PTPRC: variants seen among roughly 807,000 people sequenced by gnomAD.
PTPRC encodes protein tyrosine phosphatase receptor type C.
A neutral mutation model predicts 155.9 loss-of-function variants in PTPRC; 44 were observed. The ratio of observed to expected loss-of-function variants is 0.28; its 90% CI spans 0.22 to 0.36. The LOEUF (loss-of-function observed/expected upper bound fraction) is 0.36. Ranked by LOEUF, PTPRC falls within the 10% of genes least tolerant of loss-of-function variation. The pLI is 1.00. For synonymous variants in PTPRC, 525 were observed against 533.1 expected, an observed-to-expected ratio of 0.98 and a Z score of 0.21; for missense variants, 1,401 against 1,564.6, an observed-to-expected ratio of 0.90 and a Z score of 1.76.
At chr1:198,677,154 A>T (rs946217302) in intron 2 of PTPRC, among the ~76,000 whole-genome samples, 10 of 152,168 alleles carry the variant, frequency 6.6e-5, no homozygotes, top group African/African-American at 1.9e-4. Context: ...CCTGCTATCC[A>T]TTTTAAATTC....
intron 15 of PTPRC, among the ~76,000 whole-genome samples, chr1:198,727,839 C>G (rs1654208472): frequency 6.6e-6 from 1 of 152,002 alleles, no homozygotes; most frequent in Admixed American, 6.6e-5. Context: ...TAGAATGAAA[C>G]CATTTTTGTC....
chr1:198,704,326 T>C (rs1323143906), intron 7 of PTPRC, 146 bp from the exon 8 acceptor site: 11 of 1,434,022 alleles, frequency 7.7e-6, no homozygotes, highest in Non-Finnish European at 1.0e-5. Context: ...TGAAAACCTG[T>C]ACTAGGCAAA....
rs1383508776 is a variant in PTPRC at position 198,749,510 on chromosome 1, A to G, written c.3033A>G (p.Ser1011=). Residue 1011 remains serine, a synonymous_variant, in exon 28 of 33, where the codon TCA becomes TCG. Coordinates refer to ENST00000442510, the MANE Select transcript of PTPRC (RefSeq NM_002838.5). ...SDESSDDDSD[S]EEPSKYINAS... ...AATCCTCTGATGATGACAGTGATTC[A>G]GAGGAACCAAGCAAATACATCAATG... 1 of 1,611,080 alleles carries G rather than the reference A, an allele frequency of 6.2e-7. No homozygotes were observed. Among genetic ancestry groups the G allele is most frequent in the East Asian group, 2.2e-5 (1 of 44,520 alleles).
intron 2 of PTPRC, among the ~76,000 whole-genome samples, chr1:198,683,090 G>GTT (rs966236026): frequency 8.5e-5 from 13 of 152,112 alleles, no homozygotes; most frequent in Non-Finnish European, 7.4e-5. Flanking sequence ...TTTGCTACAA[G>GTT]TTCTTTATTT....
At chr1:198,706,591 A>C in intron 8 of PTPRC, 143 bp from the exon 9 acceptor site, 1 of 826,740 alleles carries the variant, frequency 1.2e-6, no homozygotes, top group Non-Finnish European at 1.9e-6. Context: ...TACGAAAAAA[A>C]TGATATGGAG....
intron 2 of PTPRC, among the ~76,000 whole-genome samples, chr1:198,674,804 T>C (rs1389951007): frequency 6.6e-6 from 1 of 152,118 alleles, no homozygotes; most frequent in African/African-American, 2.4e-5. Context: ...AGTCCCCATT[T>C]GCTCTTCATT....
At chr1:198,741,616 T>C (rs1441897135) in intron 23 of PTPRC, among the ~76,000 whole-genome samples, 1 of 151,852 alleles carries the variant, frequency 6.6e-6, no homozygotes, top group East Asian at 1.9e-4. Flanking sequence ...CTTACTTACC[T>C]TACTGTTAAG....
chr1:198,648,550 G>A (rs371567260), intron 2 of PTPRC, among the ~76,000 whole-genome samples: 52 of 151,764 alleles, frequency 3.4e-4, no homozygotes, highest in Admixed American at 1.1e-3. Context: ...AATGGGAGCT[G>A]GTAATTTCTC....
chr1:198,707,097 T>C (rs1653020831), intron 9 of PTPRC, 145 bp downstream of exon 9: 2 of 681,182 alleles, frequency 2.9e-6, no homozygotes, highest in Non-Finnish European at 5.1e-6. Context: ...GGGTGAACTT[T>C]CTGCTGTCTT....
At chr1:198,658,981 C>T (rs1246952812) in intron 2 of PTPRC, among the ~76,000 whole-genome samples, 2 of 152,060 alleles carry the variant, frequency 1.3e-5, no homozygotes, top group South Asian at 2.1e-4. Flanking sequence ...ATTTCTGTGG[C>T]GTTCTGCTAA....
At chr1:198,648,631 C>T (rs1442524218) in intron 2 of PTPRC, among the ~76,000 whole-genome samples, 1 of 151,804 alleles carries the variant, frequency 6.6e-6, no homozygotes, top group Non-Finnish European at 1.5e-5. Flanking sequence ...AACCATTGTG[C>T]ACTGAGCTGC....
At chr1:198,701,425 A>C (rs970675637) in intron 5 of PTPRC, among the ~76,000 whole-genome samples, 2 of 152,182 alleles carry the variant, frequency 1.3e-5, no homozygotes, top group African/African-American at 2.4e-5. Flanking sequence ...GACCCCAGGG[A>C]TCTTGACAGA....
intron 23 of PTPRC, among the ~76,000 whole-genome samples, chr1:198,737,760 A>G (rs1654715612): frequency 6.6e-6 from 1 of 151,804 alleles, no homozygotes; most frequent in African/African-American, 2.4e-5. Context: ...TAGTATGGAC[A>G]TTTTAATAAT....
chr1:198,707,951 A>C (rs1187278045), intron 9 of PTPRC, among the ~76,000 whole-genome samples, 182 bp from the exon 10 acceptor site: 1 of 152,244 alleles, frequency 6.6e-6, no homozygotes, highest in Non-Finnish European at 1.5e-5. Context: ...TAATAAAGTA[A>C]ATAATAAAAG....
At position 198,754,389 on chromosome 1, in the gene PTPRC, C is replaced by A. The variant is rs771106239; in HGVS notation, c.3630C>A (p.Gly1210=). The change falls in exon 32 of 33, where the codon GGC becomes GGA. Residue 1210 remains glycine (G), a synonymous_variant. Coordinates refer to ENST00000442510, the MANE Select transcript of PTPRC (RefSeq NM_002838.5). ...VVKALRKARP[G]MVSTFEQYQF... ...AAGCTCTACGCAAAGCTAGGCCAGG[C>A]ATGGTTTCCACATTCGTAAGTATCC... The A allele has an allele frequency of 3.7e-6, 6 of 1,613,356 alleles. No individual in the cohort carries two copies.
chr1:198,656,517 G>A (rs1416764893), intron 2 of PTPRC, among the ~76,000 whole-genome samples: 1 of 152,012 alleles, frequency 6.6e-6, no homozygotes, highest in Non-Finnish European at 1.5e-5. Flanking sequence ...ACCTACAAGG[G>A]CCTAATACAG....
At chr1:198,684,743 T>A (rs1168648420) in intron 2 of PTPRC, among the ~76,000 whole-genome samples, 1 of 152,044 alleles carries the variant, frequency 6.6e-6, no homozygotes, top group Non-Finnish European at 1.5e-5. Context: ...TTTTATAACC[T>A]CTTGCTCTTT....
rs1210926803 is a variant in PTPRC, at chr1:198,708,208, A to C, written c.980A>C (p.Asn327Thr). 1 of 1,605,994 alleles carries C rather than the reference A, an allele frequency of 6.2e-7. No individual in the cohort carries two copies. Among genetic ancestry groups the C allele is most frequent in the South Asian group, 1.1e-5 (1 of 90,922 alleles). Residue 327 changes from asparagine to threonine, a missense_variant, in exon 10 of 33, where the codon AAT becomes ACT. By Grantham distance (65) the Asn-to-Thr change is moderately conservative (BLOSUM62 0). This residue lies in a region of PTPRC where 867 missense variants were observed against 970.4 expected (regional missense o/e 0.89). Coordinates refer to ENST00000442510, the MANE Select transcript of PTPRC (RefSeq NM_002838.5). ...ADTTICLKWK[N>T]IETFTCDTQN... ...ACTACTATTTGTTTAAAATGGAAAA[A>C]TATTGAAACCTTTACTTGTGATACA...
intron 16 of PTPRC, 45 bp downstream of exon 16, chr1:198,728,493 TG>T (rs762059449): frequency 6.3e-7 from 1 of 1,598,928 alleles, no homozygotes; most frequent in South Asian, 1.1e-5. Flanking sequence ...GTATTAGTAA[TG>T]GTGCAAACGC....
Sources: gnomAD v4.1 joint callset for allele counts (sites outside exome capture counted in the v4.1 genomes callset) on GRCh38, gnomAD v4.1.1 for gene constraint, gnomAD v4.1.1 regional missense constraint, MANE v1.5 for transcripts, NCBI Gene and HGNC (gene_info 2026-07-23, HGNC 2026-07-21) for gene names.